The following DNAH6 variants were observed in gnomAD, a reference collection of about 807,000 sequenced individuals.
DNAH6 encodes dynein axonemal heavy chain 6, also known as axonemal beta dynein heavy chain 6.
In DNAH6, 340 loss-of-function variants were observed where a neutral mutation model predicts 491.4. The observed-to-expected ratio is 0.69, with a 90% confidence interval of 0.63 to 0.76. The LOEUF is 0.76. Ranked by LOEUF, DNAH6 falls within the 30% of genes least tolerant of loss-of-function variation. DNAH6 has a pLI of 0.00. For synonymous variants in DNAH6, 1,603 were observed against 1,686.1 expected (o/e 0.95, Z 1.21); for missense variants, 4,443 against 4,972.2 (o/e 0.89, Z 3.20).
At position 84,567,209 on chromosome 2, in the gene DNAH6, G is replaced by T. The variant is rs189575592; in HGVS notation, c.1804-6258G>T. Among the ~76,000 whole-genome samples the T allele has an allele frequency of 1.3e-5, 2 of 152,168 alleles. 1 individual carries two copies. The highest frequency in any genetic ancestry group is 3.9e-4 in the East Asian group (2 of 5,188). ...TCTATTTGTATTACATATTATAGCT[G>T]AGGGCTAATATTTCCAATACTAGAG... On this transcript the variant is annotated intron_variant, in intron 11 of 76. Transcript: ENST00000389394.
chr2:84,803,568 G>C (rs1027999432), intron 70 of DNAH6, among the ~76,000 whole-genome samples: 5 of 151,144 alleles, frequency 3.3e-5, no homozygotes, highest in Admixed American at 6.6e-5. Flanking sequence ...ATAATAAAAT[G>C]CTAAAAATCA....
chr2:84,732,039 C>T (rs1173275753), intron 61 of DNAH6, among the ~76,000 whole-genome samples: 1 of 152,164 alleles, frequency 6.6e-6, no homozygotes, highest in Non-Finnish European at 1.5e-5. Flanking sequence ...TGTGAGCATT[C>T]CTAAGGCTGC....
chr2:84,625,189 TA>T, intron 29 of DNAH6, 126 bp downstream of exon 29: 1 of 908,858 alleles, frequency 1.1e-6, no homozygotes, highest in South Asian at 2.6e-5. Context: ...ATGGGGTAAA[TA>T]ATGGTTAAAG....
chr2:84,650,847 A>T (rs565985438), intron 33 of DNAH6, among the ~76,000 whole-genome samples: 4 of 152,190 alleles, frequency 2.6e-5, no homozygotes, highest in Non-Finnish European at 5.9e-5. Flanking sequence ...AATGATTTTC[A>T]TTGAAACCTA....
chr2:84,483,763 C>T, the DNAH6 span, among the ~76,000 whole-genome samples: 1 of 152,190 alleles, frequency 6.6e-6, no homozygotes, highest in Non-Finnish European at 1.5e-5. Context: ...TTTCCAGCTT[C>T]TCATTTGCCC....
chr2:84,702,060 G>A (rs966144238), intron 49 of DNAH6, among the ~76,000 whole-genome samples: 5 of 152,156 alleles, frequency 3.3e-5, no homozygotes, highest in South Asian at 2.1e-4. Context: ...CATCTCTATG[G>A]TATTTAATAC....
In DNAH6 at chr2:84,598,120, A is replaced by T. The variant is rs368229468; in HGVS notation, c.2868+2331A>T. Among the ~76,000 whole-genome samples the T allele has an allele frequency of 7.2e-3, 773 of 107,686 alleles. 6 individuals are homozygous for T. The highest frequency in any genetic ancestry group is 0.021 in the African/African-American group (689 of 32,580). The allele number at this position is 107,686 out of a possible 152,430, so 70.6% of individuals were successfully genotyped here. On this transcript the variant is annotated intron_variant, in intron 18 of 76. Transcript: ENST00000389394. ...ACTCGTGGAACTCGTGGTTCTTTCT[A>T]TCTTTCTTTTCTTTCTTTCTTTCTT...
At position 84,702,000 on chromosome 2, in the gene DNAH6, T is replaced by C. The variant is rs557554706; in HGVS notation, c.8061+661T>C. On this transcript the variant is annotated intron_variant, in intron 49 of 76. Coordinates refer to ENST00000389394, the MANE Select transcript of DNAH6 (RefSeq NM_001370.2). ...ATTTATGCAAGTATCCTTGACTCAG[T>C]AGAATGATATGGGCATCACAAGACC... is the stretch of plus-strand genomic sequence containing the variant. Among the ~76,000 whole-genome samples, 237 of 152,302 alleles carry C rather than the reference T, an allele frequency of 1.6e-3. 1 individual carries two copies. Among genetic ancestry groups the C allele is most frequent in the African/African-American group, 5.5e-3 (228 of 41,558 alleles).
chr2:84,531,120 G>T (rs1331797056), intron 4 of DNAH6, among the ~76,000 whole-genome samples: 2 of 152,148 alleles, frequency 1.3e-5, no homozygotes, highest in African/African-American at 4.8e-5. Context: ...TCAAAGCGAG[G>T]AGGGGGCTTC....
upstream of DNAH6, among the ~76,000 whole-genome samples, chr2:84,514,150 T>C (rs972512082): frequency 2.6e-5 from 4 of 152,194 alleles, no homozygotes; most frequent in African/African-American, 9.7e-5. Context: ...ATTGCTCTGG[T>C]TTCATCTGAT....
the DNAH6 span, among the ~76,000 whole-genome samples, chr2:84,493,671 A>G: frequency 3.9e-5 from 6 of 152,208 alleles, no homozygotes; most frequent in Non-Finnish European, 5.9e-5. Context: ...AAAGTTATGT[A>G]AATGAGTCAT....
intron 19 of DNAH6, 118 bp downstream of exon 19, chr2:84,604,669 A>G: frequency 1.4e-6 from 1 of 727,318 alleles, no homozygotes; most frequent in Non-Finnish European, 2.2e-6. Context: ...TCTCATTATC[A>G]GTCATCCCTC....
At position 84,611,795 on chromosome 2, in the gene DNAH6, A is replaced by T; in HGVS notation, c.3416A>T (p.Lys1139Ile). ...KMFLQVDKSW[K>I]EIMRKVNRLP... Reference sequence around the variant, plus strand: ...TTCCTTCAGGTGGATAAGTCATGGAAAGAAATCATGAGAAAGGTGAATCGG... The same window carrying T: ...TTCCTTCAGGTGGATAAGTCATGGATAGAAATCATGAGAAAGGTGAATCGG... Residue 1139 changes from lysine (K) to isoleucine (I), a missense_variant, in exon 22 of 77, where the codon AAA becomes ATA. This residue lies in a region of DNAH6 where 2,977 missense variants were observed against 3,296.6 expected (regional missense o/e 0.90). Transcript: ENST00000389394. 1 of 1,551,260 alleles carries T rather than the reference A, an allele frequency of 6.4e-7. No homozygotes were observed. The highest frequency in any genetic ancestry group is 8.7e-7 in the Non-Finnish European group (1 of 1,146,674).
chr2:84,712,615 T>TC, intron 56 of DNAH6, among the ~76,000 whole-genome samples: 1 of 152,262 alleles, frequency 6.6e-6, no homozygotes, highest in Non-Finnish European at 1.5e-5. Context: ...TTTAGTGTTT[T>TC]TTGTTTGTAT....
At chr2:84,590,885 G>A (rs1408517661) in intron 16 of DNAH6, among the ~76,000 whole-genome samples, 2 of 152,186 alleles carry the variant, frequency 1.3e-5, no homozygotes, top group Non-Finnish European at 2.9e-5. Flanking sequence ...CTGGCTGAGA[G>A]ATTGGTTTCT....
intron 33 of DNAH6, among the ~76,000 whole-genome samples, chr2:84,645,576 A>G (rs1018208462): frequency 1.9e-4 from 29 of 152,274 alleles, no homozygotes; most frequent in Admixed American, 1.9e-3. Flanking sequence ...GTGCCTGTTC[A>G]TGCACTTTGC....
intron 18 of DNAH6, among the ~76,000 whole-genome samples, chr2:84,601,926 A>C (rs1053061212): frequency 6.6e-6 from 1 of 152,012 alleles, no homozygotes; most frequent in Non-Finnish European, 1.5e-5. Flanking sequence ...TGTTATCCTA[A>C]GCTTAAAATA....
At position 84,814,085 on chromosome 2, in the gene DNAH6, C is replaced by T; in HGVS notation, c.12113C>T (p.Thr4038Ile). The T allele has an allele frequency of 6.4e-7, 1 of 1,551,718 alleles. No individual in the cohort carries two copies. The highest frequency in any genetic ancestry group is 8.7e-7 in the Non-Finnish European group (1 of 1,146,986). The part of the protein sequence containing the change: ...DQAAVIEAAK[T>I]VQFGQELPMD... ...GCTGCAGTGATAGAAGCTGCCAAGA[C>T]AGTGCAATTTGGACAAGAACTGCCC... Residue 4038 changes from threonine to isoleucine, a missense_variant, in exon 75 of 77, where the codon ACA becomes ATA. Thr to Ile is a moderately conservative substitution (Grantham distance 89, BLOSUM62 -1). Coordinates refer to ENST00000389394, the MANE Select transcript of DNAH6 (RefSeq NM_001370.2).
At chr2:84,709,120 A>T (rs1292213674) in intron 54 of DNAH6, among the ~76,000 whole-genome samples, 1 of 152,246 alleles carries the variant, frequency 6.6e-6, no homozygotes, top group East Asian at 1.9e-4. Context: ...AGAGGGAATG[A>T]TGTTTCCAAA....
Sources: allele counts gnomAD v4.1 joint callset (sites outside exome capture counted in the v4.1 genomes callset), GRCh38; gene constraint gnomAD v4.1.1; regional missense constraint gnomAD v4.1.1; transcripts MANE v1.5; gene names NCBI Gene and HGNC (gene_info 2026-07-23, HGNC 2026-07-21).